EPB41L4A: variants seen among roughly 807,000 people sequenced by gnomAD.
The protein encoded by EPB41L4A is band 4.1-like protein 4A.
In EPB41L4A, 100 loss-of-function variants were observed where a neutral mutation model predicts 108.6. The observed-to-expected ratio is 0.92, with a 90% CI of 0.78 to 1.09. The LOEUF (loss-of-function observed/expected upper bound fraction) is 1.09. Ranked by LOEUF, EPB41L4A falls within the 50% of genes least tolerant of loss-of-function variation. The pLI, the probability that EPB41L4A is intolerant of heterozygous loss-of-function variation, is 0.00. For missense variants in EPB41L4A, 1,030 were observed against 842.7 expected, an observed-to-expected ratio of 1.22 and a Z score of -2.75; for synonymous variants, 319 against 289.0, an observed-to-expected ratio of 1.10 and a Z score of -1.05.
chr5:112,207,778 T>C (rs1762541424), intron 13 of EPB41L4A, among the ~76,000 whole-genome samples: 2 of 152,142 alleles, frequency 1.3e-5, no homozygotes, highest in African/African-American at 4.8e-5. Flanking sequence ...ATAAAGATGT[T>C]GGCAAGATTG....
intron 1 of EPB41L4A, among the ~76,000 whole-genome samples, chr5:112,418,085 G>A (rs2112852300): frequency 6.6e-6 from 1 of 152,248 alleles, no homozygotes; most frequent in South Asian, 2.1e-4. Flanking sequence ...CTCAGCTGTT[G>A]CCTTATCTAA....
chr5:112,321,229 T>C (rs1302231307), intron 1 of EPB41L4A, among the ~76,000 whole-genome samples: 1 of 152,160 alleles, frequency 6.6e-6, no homozygotes, highest in Admixed American at 6.5e-5. Flanking sequence ...GGAAGACCAA[T>C]GGGCATTGGG....
intron 2 of EPB41L4A, among the ~76,000 whole-genome samples, chr5:112,293,960 A>G (rs1315839629): frequency 6.6e-6 from 1 of 152,200 alleles, no homozygotes; most frequent in Non-Finnish European, 1.5e-5. Flanking sequence ...ATTATAAACA[A>G]TTTTTTAAAA....
intron 12 of EPB41L4A, among the ~76,000 whole-genome samples, chr5:112,217,253 T>C (rs1277768575): frequency 2.0e-5 from 3 of 152,322 alleles, no homozygotes; most frequent in Non-Finnish European, 2.9e-5. Flanking sequence ...TGGAAAATTT[T>C]ATATTTGGCA....
chr5:112,343,851 A>G (rs957782257), intron 1 of EPB41L4A, among the ~76,000 whole-genome samples: 1 of 152,254 alleles, frequency 6.6e-6, no homozygotes, highest in African/African-American at 2.4e-5. Context: ...ACTATTAAAA[A>G]TACATAACCA....
intron 1 of EPB41L4A, among the ~76,000 whole-genome samples, chr5:112,393,576 C>A (rs1315648703): frequency 6.6e-6 from 1 of 152,086 alleles, no homozygotes; most frequent in African/African-American, 2.4e-5. Flanking sequence ...CAATAACAGG[C>A]TCTGAAATTG....
chr5:112,361,486 C>T (rs1482920120), intron 1 of EPB41L4A, among the ~76,000 whole-genome samples: 4 of 150,890 alleles, frequency 2.7e-5, no homozygotes, highest in Non-Finnish European at 4.4e-5. Context: ...CCAAATCCCC[C>T]TCTCCGAGAA....
intron 11 of EPB41L4A, 94 bp from the exon 12 acceptor site, chr5:112,234,849 G>T: frequency 7.3e-7 from 1 of 1,365,534 alleles, no homozygotes; most frequent in Non-Finnish European, 9.9e-7. Context: ...AATATGGAGA[G>T]AAGAAAAAAC....
chr5:112,305,938 C>A (rs1214156021), intron 2 of EPB41L4A, among the ~76,000 whole-genome samples: 6 of 152,018 alleles, frequency 3.9e-5, no homozygotes, highest in Admixed American at 3.9e-4. Context: ...TTAATTTAAA[C>A]CCTACAAAAC....
intron 1 of EPB41L4A, among the ~76,000 whole-genome samples, chr5:112,319,603 T>C (rs983784261): frequency 6.6e-6 from 1 of 152,104 alleles, no homozygotes; most frequent in Non-Finnish European, 1.5e-5. Context: ...AAATTAATAA[T>C]GAAGAAGCAT....
At chr5:112,235,157 TC>T (rs1301506044) in intron 11 of EPB41L4A, among the ~76,000 whole-genome samples, 2 of 152,132 alleles carry the variant, frequency 1.3e-5, no homozygotes, top group Non-Finnish European at 2.9e-5. Flanking sequence ...TTGTAAACCA[TC>T]CCCCACAAGA....
rs557627720 is a variant in EPB41L4A, at chr5:112,360,884, C to T, written c.100-53394G>A. Among the ~76,000 whole-genome samples, 7 of 152,086 alleles carry T rather than the reference C, an allele frequency of 4.6e-5. No individual in the cohort carries two copies. In the East Asian group the frequency reaches 7.8e-4, roughly 17 times the overall value. On this transcript the variant is annotated intron_variant, in intron 1 of 22. Coordinates refer to ENST00000261486, the MANE Select transcript of EPB41L4A (RefSeq NM_022140.5). ...TGTGAGGAGCGCCTCTGCCCTGCCT[C>T]GACCCAGTCTGGGAAATGAGGAGTG...
chr5:112,280,338 A>G lies in EPB41L4A; in HGVS notation c.205-15T>C, dbSNP rs761200662. 5 of 1,612,544 alleles carry G rather than the reference A, an allele frequency of 3.1e-6. No individual in the cohort carries two copies. The South Asian group carries it at 5.5e-5, about 18-fold the overall frequency. ...TCCAGCCAATACTGTGTGAGGAAGA[A>G]AAGGACAATTAAAGAAATTAGTTGC... On this transcript the variant is annotated splice_polypyrimidine_tract_variant and intron_variant, in intron 2 of 22. Transcript: ENST00000261486.
At chr5:112,419,836 C>A (rs935905745), upstream of EPB41L4A, 1 of 456,730 alleles carries the variant, frequency 2.2e-6, no homozygotes, top group Admixed American at 2.3e-5. Flanking sequence ...TACGGGTGGC[C>A]GTGTGTAGCC....
chr5:112,396,114 G>C (rs1029223939), intron 1 of EPB41L4A, among the ~76,000 whole-genome samples: 10 of 152,130 alleles, frequency 6.6e-5, no homozygotes, highest in Admixed American at 5.2e-4. Flanking sequence ...TTGGGGGAAG[G>C]GGGAGGGATA....
intron 3 of EPB41L4A, among the ~76,000 whole-genome samples, chr5:112,276,610 G>A (rs1303161101): frequency 2.6e-5 from 4 of 152,180 alleles, no homozygotes; most frequent in African/African-American, 9.7e-5. Flanking sequence ...TGTGAAGCAT[G>A]CATCTCAGTA....
At chr5:112,390,458 C>T (rs562339309) in intron 1 of EPB41L4A, among the ~76,000 whole-genome samples, 3 of 152,128 alleles carry the variant, frequency 2.0e-5, no homozygotes, top group Non-Finnish European at 2.9e-5. Context: ...CACAGCAGTC[C>T]GAGATCGAGC....
chr5:112,187,872 G>A (rs571895001), intron 17 of EPB41L4A, among the ~76,000 whole-genome samples: 3 of 152,164 alleles, frequency 2.0e-5, no homozygotes, highest in African/African-American at 7.2e-5. Flanking sequence ...CATAAACATT[G>A]CTCCTGAGTT....
intron 9 of EPB41L4A, among the ~76,000 whole-genome samples, chr5:112,246,718 C>T (rs1750256601): frequency 6.6e-6 from 1 of 152,164 alleles, no homozygotes; most frequent in East Asian, 1.9e-4. Context: ...CCTATTTTGT[C>T]TGTGTTATCT....
Sources: gnomAD v4.1 joint callset for allele counts (sites outside exome capture counted in the v4.1 genomes callset) on GRCh38, gnomAD v4.1.1 for gene constraint, MANE v1.5 for transcripts, NCBI Gene and HGNC (gene_info 2026-07-23, HGNC 2026-07-21) for gene names.